The following GPR158 variants were observed in gnomAD, a reference collection of about 807,000 sequenced individuals.
GPR158 encodes metabotropic glycine receptor.
A neutral mutation model predicts 78.2 loss-of-function variants in GPR158; 30 were observed. That is an observed-to-expected ratio of 0.38 (90% CI 0.29 to 0.52). The LOEUF (loss-of-function observed/expected upper bound fraction) is 0.52. GPR158 is among the 20% of genes least tolerant of loss of function. The probability of loss-of-function intolerance (pLI) is 0.83; values close to 1 mark genes in which losing one functional copy is unlikely to be tolerated. For missense variants in GPR158, 1,463 were observed against 1,523.5 expected (o/e 0.96, Z 0.66); for synonymous variants, 581 against 591.1 (o/e 0.98, Z 0.25).
At chr10:25,359,449 C>T (rs975856959) in intron 2 of GPR158, among the ~76,000 whole-genome samples, 1 of 152,048 alleles carries the variant, frequency 6.6e-6, no homozygotes, top group Non-Finnish European at 1.5e-5. Flanking sequence ...TGATGTTCCC[C>T]TCCCTGTGTC....
intron 4 of GPR158, among the ~76,000 whole-genome samples, chr10:25,419,673 G>T (rs948369461): frequency 8.5e-5 from 13 of 152,178 alleles, no homozygotes; most frequent in African/African-American, 3.1e-4. Flanking sequence ...TGTTGTTGTT[G>T]TTGTTGTTGT....
chr10:25,451,593 G>T (rs1022860813), intron 4 of GPR158, among the ~76,000 whole-genome samples: 7 of 152,178 alleles, frequency 4.6e-5, no homozygotes, highest in Non-Finnish European at 8.8e-5. Flanking sequence ...TTACAAAATG[G>T]GATGTTGAAA....
intron 7 of GPR158, among the ~76,000 whole-genome samples, chr10:25,575,911 G>A (rs1837087457): frequency 6.6e-6 from 1 of 151,796 alleles, no homozygotes; most frequent in Admixed American, 6.6e-5. Flanking sequence ...ATTATCTAAG[G>A]TAACACCACA....
intron 4 of GPR158, among the ~76,000 whole-genome samples, chr10:25,416,324 A>G (rs1453527070): frequency 6.6e-6 from 1 of 152,188 alleles, no homozygotes; most frequent in Non-Finnish European, 1.5e-5. Context: ...TACACATGCA[A>G]TCGCAGATAT....
At chr10:25,281,431 A>G (rs942930647) in intron 2 of GPR158, among the ~76,000 whole-genome samples, 2 of 145,314 alleles carry the variant, frequency 1.4e-5, no homozygotes, top group Admixed American at 1.4e-4. Context: ...AAAAAAAAAT[A>G]GCTGGGCATG....
intron 4 of GPR158, among the ~76,000 whole-genome samples, chr10:25,416,446 C>T (rs138147908): frequency 9.9e-5 from 15 of 152,174 alleles, no homozygotes; most frequent in African/African-American, 3.4e-4. Context: ...GTTTATTTAC[C>T]TACTTATTGA....
chr10:25,445,617 T>A (rs1835129721), intron 4 of GPR158, among the ~76,000 whole-genome samples: 1 of 152,100 alleles, frequency 6.6e-6, no homozygotes, highest in Non-Finnish European at 1.5e-5. Context: ...TATAATAGTT[T>A]CCAGGAGAAA....
chr10:25,188,329 A>C (rs549098887), intron 1 of GPR158, among the ~76,000 whole-genome samples: 19 of 152,328 alleles, frequency 1.2e-4, no homozygotes, highest in African/African-American at 4.1e-4. Context: ...TTGCCAAGAC[A>C]ATCCTAAGCC....
chr10:25,563,186 A>G (rs1429217999), intron 6 of GPR158, among the ~76,000 whole-genome samples: 1 of 152,174 alleles, frequency 6.6e-6, no homozygotes, highest in Non-Finnish European at 1.5e-5. Context: ...GAAAACATAT[A>G]GTTGGATCAT....
intron 4 of GPR158, among the ~76,000 whole-genome samples, chr10:25,427,800 A>G (rs1834845265): frequency 6.6e-6 from 1 of 152,054 alleles, no homozygotes; most frequent in Non-Finnish European, 1.5e-5. Context: ...CCACCCCACA[A>G]CAGATTTCAT....
intron 2 of GPR158, among the ~76,000 whole-genome samples, chr10:25,285,066 T>TTGTGTGTGTGTGTGTG (rs149094801): frequency 3.4e-5 from 5 of 149,152 alleles, no homozygotes; most frequent in African/African-American, 1.2e-4. Context: ...GTTCTATTCA[T>TTGTGTGTGTGTGTGTG]TGTGTGTGTG....
chr10:25,419,748 C>T (rs1055931021), intron 4 of GPR158, among the ~76,000 whole-genome samples: 1 of 151,966 alleles, frequency 6.6e-6, no homozygotes, highest in African/African-American at 2.4e-5. Flanking sequence ...TTCCATTTTC[C>T]TAATGATTAG....
chr10:25,366,135 T>G (rs923811081), intron 2 of GPR158, among the ~76,000 whole-genome samples: 4 of 112,310 alleles, frequency 3.6e-5, no homozygotes, highest in African/African-American at 1.7e-4. Flanking sequence ...AGACAAACTT[T>G]TGTTTTTGTT....
intron 4 of GPR158, among the ~76,000 whole-genome samples, chr10:25,422,851 C>CCT (rs35631992): frequency 5.3e-4 from 11 of 20,662 alleles, no homozygotes; most frequent in Non-Finnish European, 1.3e-3. Context: ...TATTCCCTTA[C>CCT]CCCCCCCACA....
intron 2 of GPR158, among the ~76,000 whole-genome samples, chr10:25,316,518 A>G (rs565333230): frequency 1.6e-4 from 25 of 152,332 alleles, no homozygotes; most frequent in African/African-American, 5.1e-4. Context: ...CTTATTGAGC[A>G]CTGTACAATT....
intron 1 of GPR158, among the ~76,000 whole-genome samples, chr10:25,202,316 C>CAT (rs34880761): frequency 0.013 from 1,918 of 151,354 alleles, 22 homozygotes; most frequent in Middle Eastern, 0.041. Context: ...GTTTGTTACA[C>CAT]ATATATATAT....
intron 2 of GPR158, among the ~76,000 whole-genome samples, chr10:25,322,613 C>T (rs1255987228): frequency 6.6e-6 from 1 of 152,040 alleles, no homozygotes; most frequent in Non-Finnish European, 1.5e-5. Context: ...ATTTACTTTG[C>T]CTAGATTCAT....
chr10:25,553,847 GAAT>G (rs367685120), intron 6 of GPR158, among the ~76,000 whole-genome samples: 1 of 152,202 alleles, frequency 6.6e-6, no homozygotes, highest in Non-Finnish European at 1.5e-5. Context: ...ATACAACAAA[GAAT>G]AAATTAACAT....
At chr10:25,229,455 C>T (rs188158373) in intron 2 of GPR158, among the ~76,000 whole-genome samples, 29 of 152,260 alleles carry the variant, frequency 1.9e-4, no homozygotes, top group Admixed American at 1.2e-3. Flanking sequence ...TTAACACTAA[C>T]GATGGCTGCA....
Sources: allele counts gnomAD v4.1 joint callset (sites outside exome capture counted in the v4.1 genomes callset), GRCh38; gene constraint gnomAD v4.1.1; transcripts MANE v1.5; gene names NCBI Gene and HGNC (gene_info 2026-07-23, HGNC 2026-07-21).